Variants in BRI3 observed in about 807,000 individuals in gnomAD.
BRI3 encodes the protein membrane protein BRI3.
Under a neutral mutation model 12.8 loss-of-function variants are expected in BRI3, and 6 were observed. The ratio of observed to expected loss-of-function variants is 0.47; its 90% CI spans 0.26 to 0.93. The LOEUF (loss-of-function observed/expected upper bound fraction) is 0.93. Among genes scored for constraint, BRI3 ranks in the 40% least tolerant of loss-of-function variants. The pLI is 0.15. For missense variants in BRI3, 134 were observed against 171.1 expected (o/e 0.78, Z 1.21); for synonymous variants, 91 against 76.1 (o/e 1.20, Z -1.02).
the BRI3 span, chr7:98,315,456 C>A: frequency 1.4e-6 from 2 of 1,421,834 alleles, no homozygotes; most frequent in Non-Finnish European, 1.9e-6. Context: ...GCCACCACAC[C>A]CACCTGTAAG....
chr7:98,294,487 C>G (rs988432562), downstream of BRI3, among the ~76,000 whole-genome samples: 2 of 152,190 alleles, frequency 1.3e-5, no homozygotes, highest in East Asian at 3.8e-4. Context: ...ACTGCCTGCG[C>G]GGGTCACCCG....
At chr7:98,318,530 T>C in the BRI3 span, among the ~76,000 whole-genome samples, 10 of 151,760 alleles carry the variant, frequency 6.6e-5, no homozygotes, top group African/African-American at 1.2e-4. Context: ...CCACCCGCCT[T>C]GGCCTCCCAA....
At chr7:98,317,176 T>C in the BRI3 span, 2 of 1,613,102 alleles carry the variant, frequency 1.2e-6, no homozygotes, top group South Asian at 1.1e-5. Context: ...ACTGTGCAAA[T>C]TGTCAACAAC....
downstream of BRI3, chr7:98,291,648 A>G (rs1799960995): frequency 2.4e-6 from 1 of 420,476 alleles, no homozygotes; most frequent in Non-Finnish European, 3.2e-6. Context: ...AGCTCAAGAA[A>G]ATGTTTTCAA....
exon 2 of BRI3, chr7:98,308,548 G>T (rs1189195090): frequency 8.7e-6 from 3 of 344,556 alleles, no homozygotes; most frequent in Non-Finnish European, 1.7e-5. Context: ...GCTGGGCCAG[G>T]AACCAGCTAG....
At chr7:98,317,230 T>C in the BRI3 span, 1 of 1,614,250 alleles carries the variant, frequency 6.2e-7, no homozygotes, top group Admixed American at 1.7e-5. Context: ...TCAATTTCTT[T>C]GTGTTCATAT....
intron 2 of BRI3, among the ~76,000 whole-genome samples, chr7:98,284,750 T>A (rs1405339027): frequency 6.6e-6 from 1 of 152,232 alleles, no homozygotes; most frequent in Non-Finnish European, 1.5e-5. Flanking sequence ...TCGCTGAAGC[T>A]GCCTGACTCC....
intron 2 of BRI3, among the ~76,000 whole-genome samples, chr7:98,285,637 G>A (rs1220639307): frequency 6.6e-6 from 1 of 152,174 alleles, no homozygotes; most frequent in Non-Finnish European, 1.5e-5. Flanking sequence ...CCAGCTGTGG[G>A]CCAAGTGGCA....
At chr7:98,313,324 G>A (rs537543345), downstream of BRI3, among the ~76,000 whole-genome samples, 99 of 152,208 alleles carry the variant, frequency 6.5e-4, no homozygotes, top group Non-Finnish European at 9.6e-4. Flanking sequence ...TTTGGTCTGC[G>A]TCACTCTAGA....
intron 2 of BRI3, among the ~76,000 whole-genome samples, chr7:98,284,024 G>A: frequency 6.6e-6 from 1 of 152,228 alleles, no homozygotes; most frequent in Non-Finnish European, 1.5e-5. Flanking sequence ...ACCTGGAGGT[G>A]CTCTCCAGTT....
chr7:98,285,418 G>A (rs978514626), intron 2 of BRI3, among the ~76,000 whole-genome samples: 1 of 152,222 alleles, frequency 6.6e-6, no homozygotes, highest in African/African-American at 2.4e-5. Context: ...GAGCTCCCCT[G>A]GTTGAGGAAG....
At chr7:98,293,675 C>G (rs750615648), downstream of BRI3, 9 of 1,423,430 alleles carry the variant, frequency 6.3e-6, no homozygotes, top group Non-Finnish European at 7.9e-6. Flanking sequence ...ATAACCCGTT[C>G]TTGCCCTGTG....
chr7:98,288,457 TGAC>T (rs1447218482), intron 2 of BRI3, among the ~76,000 whole-genome samples: 4 of 151,958 alleles, frequency 2.6e-5, no homozygotes, highest in Admixed American at 6.5e-5. Flanking sequence ...TGTGGTGGCC[TGAC>T]GACCTTCTGG....
chr7:98,305,868 G>A (rs141430531), upstream of BRI3, among the ~76,000 whole-genome samples: 73 of 152,190 alleles, frequency 4.8e-4, 1 homozygote, highest in East Asian at 0.012. Context: ...GGGGGTTTTC[G>A]GCATGGAGGT....
upstream of BRI3, among the ~76,000 whole-genome samples, chr7:98,303,610 G>A (rs927699837): frequency 1.1e-4 from 16 of 152,164 alleles, no homozygotes; most frequent in African/African-American, 2.9e-4. Context: ...TCTAGCTGGA[G>A]AGCCCACACC....
intron 2 of BRI3, among the ~76,000 whole-genome samples, chr7:98,288,790 G>GTTGGAGGGGGGC (rs1554407364): frequency 2.0e-5 from 3 of 151,662 alleles, no homozygotes; most frequent in Admixed American, 6.6e-5. Flanking sequence ...TTGTAGGGAG[G>GTTGGAGGGGGGC]GGTCTTTGTT....
intron 2 of BRI3, among the ~76,000 whole-genome samples, chr7:98,284,738 C>CT (rs1799655030): frequency 6.6e-6 from 1 of 152,220 alleles, no homozygotes; most frequent in Admixed American, 6.5e-5. Context: ...CTGGCCAGGC[C>CT]TTCGCTGAAG....
At chr7:98,320,179 A>C in the BRI3 span, 1 of 1,590,272 alleles carries the variant, frequency 6.3e-7, no homozygotes, top group Non-Finnish European at 8.6e-7. Flanking sequence ...TTTTAAGCAA[A>C]ATAAGTTCTA....
At chr7:98,298,754 G>A (rs1800295265) in intron 1 of BRI3, among the ~76,000 whole-genome samples, 1 of 152,182 alleles carries the variant, frequency 6.6e-6, no homozygotes, top group South Asian at 2.1e-4. Context: ...ATTAATCGAG[G>A]TGGACATAAA....
Sources: gnomAD v4.1 joint callset for allele counts (sites outside exome capture counted in the v4.1 genomes callset) on GRCh38, gnomAD v4.1.1 for gene constraint, MANE v1.5 for transcripts, NCBI Gene and HGNC (gene_info 2026-07-23, HGNC 2026-07-21) for gene names.